CTNNA2: variants seen among roughly 807,000 people sequenced by gnomAD.
CTNNA2 encodes the protein catenin alpha 2, also known as catenin alpha-2.
CTNNA2 carries 42 observed loss-of-function variants against 101.0 expected under a neutral mutation model. The ratio of observed to expected loss-of-function variants is 0.42; its 90% CI spans 0.32 to 0.54. CTNNA2 has a LOEUF of 0.54. CTNNA2 is among the 20% of genes least tolerant of loss of function. The pLI is 0.14. For missense variants in CTNNA2, 871 were observed against 1,223.1 expected (o/e 0.71, Z 4.29); for synonymous variants, 450 against 456.4 (o/e 0.99, Z 0.18).
chr2:80,198,028 C>G (rs1485798973), intron 7 of CTNNA2, among the ~76,000 whole-genome samples: 6 of 152,152 alleles, frequency 3.9e-5, no homozygotes, highest in Admixed American at 3.9e-4. Flanking sequence ...GAAATACTAG[C>G]AGGGCTCACA....
upstream of CTNNA2, among the ~76,000 whole-genome samples, chr2:79,510,504 C>G (rs1308950963): frequency 6.6e-6 from 1 of 152,102 alleles, no homozygotes; most frequent in African/African-American, 2.4e-5. Flanking sequence ...TTTGGATTTT[C>G]CATAGGGTAG....
chr2:79,833,197 G>A (rs184666388), intron 3 of CTNNA2, among the ~76,000 whole-genome samples: 1 of 152,122 alleles, frequency 6.6e-6, no homozygotes, highest in Non-Finnish European at 1.5e-5. Context: ...CAATTCTGTG[G>A]ATCACAAGAT....
intron 2 of CTNNA2, among the ~76,000 whole-genome samples, chr2:79,290,871 G>A (rs536356751): frequency 6.6e-6 from 1 of 152,346 alleles, no homozygotes; most frequent in African/African-American, 2.4e-5. Context: ...GATACAGAAA[G>A]CCCTCTGTCC....
At chr2:80,259,536 C>T (rs756492356) in intron 7 of CTNNA2, among the ~76,000 whole-genome samples, 2 of 152,152 alleles carry the variant, frequency 1.3e-5, no homozygotes, top group African/African-American at 2.4e-5. Flanking sequence ...GCGCCTCTCC[C>T]GCAGTCCTAA....
chr2:80,622,600 C>A (rs1454581776), intron 18 of CTNNA2, among the ~76,000 whole-genome samples: 1 of 151,920 alleles, frequency 6.6e-6, no homozygotes, highest in Non-Finnish European at 1.5e-5. Context: ...TTCCCATATA[C>A]TCTTGGGAAT....
chr2:80,221,106 C>T (rs59945164), intron 7 of CTNNA2, among the ~76,000 whole-genome samples: 67 of 152,268 alleles, frequency 4.4e-4, no homozygotes, highest in African/African-American at 1.3e-3. Flanking sequence ...TGGTCTCCAA[C>T]GCCTGACCTC....
At chr2:80,508,194 C>T (rs1223101414) in intron 9 of CTNNA2, among the ~76,000 whole-genome samples, 1 of 152,134 alleles carries the variant, frequency 6.6e-6, no homozygotes, top group African/African-American at 2.4e-5. Context: ...GGGCTGGACA[C>T]AGTGGCTCAT....
At chr2:80,008,790 T>A (rs887631708) in intron 7 of CTNNA2, among the ~76,000 whole-genome samples, 1 of 152,216 alleles carries the variant, frequency 6.6e-6, no homozygotes, top group Admixed American at 6.5e-5. Context: ...CCAGATGAGA[T>A]AACTTATGTA....
chr2:80,215,264 G>A (rs7599117), intron 7 of CTNNA2, among the ~76,000 whole-genome samples: 99,317 of 152,006 alleles, frequency 0.65, 33,360 homozygotes, highest in African/African-American at 0.81. Context: ...TCTTCTCTCA[G>A]CTCGTCAAAG....
At chr2:80,569,633 GTTTTTTTTTTTTT>G (rs70940088) in intron 12 of CTNNA2, among the ~76,000 whole-genome samples, 11 of 51,716 alleles carry the variant, frequency 2.1e-4, no homozygotes, top group African/African-American at 3.7e-4. Context: ...GGGTATTTAG[GTTTTTTTTTTTTT>G]TTTTTTTTTT....
intron 3 of CTNNA2, among the ~76,000 whole-genome samples, chr2:79,812,498 C>A (rs536849324): frequency 6.6e-6 from 1 of 152,236 alleles, no homozygotes; most frequent in African/African-American, 2.4e-5. Context: ...TCACAATGAT[C>A]ACAGTAAAAG....
intron 2 of CTNNA2, among the ~76,000 whole-genome samples, chr2:79,208,483 G>A (rs573343136): frequency 6.6e-6 from 1 of 152,234 alleles, no homozygotes; most frequent in East Asian, 1.9e-4. Flanking sequence ...CACTAGAGAG[G>A]AAAAAGAATA....
At chr2:80,639,591 C>G (rs1337168597) in intron 18 of CTNNA2, among the ~76,000 whole-genome samples, 2 of 151,880 alleles carry the variant, frequency 1.3e-5, no homozygotes, top group Admixed American at 6.6e-5. Flanking sequence ...ACTTTTACCT[C>G]TAACACCATC....
At chr2:79,522,170 A>G (rs994372498) in intron 1 of CTNNA2, among the ~76,000 whole-genome samples, 2 of 152,134 alleles carry the variant, frequency 1.3e-5, no homozygotes, top group Non-Finnish European at 2.9e-5. Flanking sequence ...TAGGAGCCGC[A>G]CCTTCCATTT....
chr2:80,561,994 A>G (rs951150177), intron 12 of CTNNA2, among the ~76,000 whole-genome samples: 1 of 152,002 alleles, frequency 6.6e-6, no homozygotes, highest in African/African-American at 2.4e-5. Context: ...TATGTAAACA[A>G]ATTCTGTCCA....
intron 7 of CTNNA2, among the ~76,000 whole-genome samples, chr2:80,350,494 T>C (rs1305043869): frequency 5.9e-5 from 9 of 152,186 alleles, no homozygotes; most frequent in Non-Finnish European, 1.0e-4. Flanking sequence ...CTACAAGAAG[T>C]GGCACATAGA....
intron 9 of CTNNA2, among the ~76,000 whole-genome samples, chr2:80,487,893 A>G (rs1227715971): frequency 1.3e-5 from 2 of 152,178 alleles, no homozygotes; most frequent in African/African-American, 4.8e-5. Context: ...TACTTTTGAT[A>G]TATTTTTTCT....
At chr2:80,063,285 G>A (rs1697738678) in intron 7 of CTNNA2, among the ~76,000 whole-genome samples, 3 of 151,860 alleles carry the variant, frequency 2.0e-5, no homozygotes, top group Non-Finnish European at 1.5e-5. Context: ...CATGCCACCA[G>A]TTCAATGTTT....
At chr2:79,477,765 A>G (rs1354568679) in intron 4 of CTNNA2, among the ~76,000 whole-genome samples, 1 of 152,210 alleles carries the variant, frequency 6.6e-6, no homozygotes, top group Non-Finnish European at 1.5e-5. Flanking sequence ...CGGAAAAGGA[A>G]CAGAATACGC....
Sources: allele counts gnomAD v4.1 joint callset (sites outside exome capture counted in the v4.1 genomes callset), GRCh38; gene constraint gnomAD v4.1.1; transcripts MANE v1.5; gene names NCBI Gene and HGNC (gene_info 2026-07-23, HGNC 2026-07-21).